Variants in POFUT1 observed in about 807,000 individuals in gnomAD.
The protein encoded by POFUT1 is protein O-fucosyltransferase 1, also known as GDP-fucose protein O-fucosyltransferase 1.
POFUT1 carries 16 observed loss-of-function variants against 42.4 expected under a neutral mutation model. The ratio of observed to expected loss-of-function variants is 0.38; its 90% confidence interval spans 0.26 to 0.57. The LOEUF is 0.57. POFUT1 is among the 20% of genes least tolerant of loss of function. The pLI, the probability that POFUT1 is intolerant of heterozygous loss-of-function variation, is 0.71. For missense variants in POFUT1, 470 were observed against 504.6 expected (o/e 0.93, Z 0.66); for synonymous variants, 206 against 205.4 (o/e 1.00, Z -0.03).
At chr20:32,228,586 TC>T in intron 5 of POFUT1, 131 bp downstream of exon 5, 1 of 732,314 alleles carries the variant, frequency 1.4e-6, no homozygotes, top group Non-Finnish European at 2.2e-6. Flanking sequence ...TGGGATTGTG[TC>T]CCATCATCCC....
intron 1 of POFUT1, 72 bp downstream of exon 1, chr20:32,208,137 C>A: frequency 1.4e-6 from 2 of 1,401,296 alleles, no homozygotes; most frequent in South Asian, 1.3e-5. Flanking sequence ...TCCTCAGATG[C>A]GCCCAGAGAC....
chr20:32,228,574 C>T lies in POFUT1; in HGVS notation c.735+119C>T, dbSNP rs62207423. ...CAGAGATCTCTCACTTGTTCTGGTTCGTGGGATTGTGTCCCATCATCCCAC... is the reference window on the plus strand; with the variant it reads ...CAGAGATCTCTCACTTGTTCTGGTTTGTGGGATTGTGTCCCATCATCCCAC... On this transcript the variant is annotated intron_variant, in intron 5 of 6. Coordinates refer to ENST00000375749, the MANE Select transcript of POFUT1 (RefSeq NM_015352.2). 7.1e-3 allele frequency: 5,993 copies of T among 842,464 alleles called. 70 individuals are homozygous for T. The highest frequency in any genetic ancestry group is 0.038 in the African/African-American group (2,207 of 58,580). The allele number at this position is 842,464 out of a possible 1,614,324, so 52.2% of individuals were successfully genotyped here.
chr20:32,231,038 C>T lies in POFUT1; in HGVS notation c.955C>T (p.Leu319Phe). ...TGATTCCGAGAGTTATGTGCCTGAG[C>T]TCCAACAGCTCTTCAAAGGGAAGGT... ...ATDSESYVPE[L>F]QQLFKGKVKV... The change falls in exon 6 of 7, where the codon CTC becomes TTC. Residue 319 changes from leucine to phenylalanine, a missense_variant. Physicochemically the swap from Leu to Phe is conservative, Grantham distance 22. Coordinates refer to ENST00000375749, the MANE Select transcript of POFUT1 (RefSeq NM_015352.2). 1.2e-6 allele frequency: 2 copies of T among 1,614,174 alleles called. No individual in the cohort carries two copies. Among genetic ancestry groups the T allele is most frequent in the Non-Finnish European group, 8.5e-7 (1 of 1,180,036 alleles).
chr20:32,223,924 G>A (rs888884657), intron 4 of POFUT1, among the ~76,000 whole-genome samples: 1 of 152,142 alleles, frequency 6.6e-6, no homozygotes, highest in Non-Finnish European at 1.5e-5. Context: ...CCTTGGGCAC[G>A]TTACTTAACC....
Position 32,207,929 on chromosome 20 carries a change from T to G in POFUT1, c.-13T>G. The G allele has an allele frequency of 2.5e-6, 4 of 1,576,564 alleles. No homozygotes were observed. Among genetic ancestry groups the G allele is most frequent in the East Asian group, 4.6e-5 (2 of 43,104 alleles). On this transcript the variant is annotated 5_prime_UTR_variant, in exon 1 of 7. Coordinates refer to ENST00000375749, the MANE Select transcript of POFUT1 (RefSeq NM_015352.2). ...GACTGTGCGCCGCGGCTGGCTCGGGTTCCCGGGCCGACATGGGCGCCGCCG... is the reference window on the plus strand; with the variant it reads ...GACTGTGCGCCGCGGCTGGCTCGGGGTCCCGGGCCGACATGGGCGCCGCCG...
In POFUT1 at chr20:32,210,211, C is replaced by A. The variant is rs572332685; in HGVS notation, c.246+19C>A. ...CACCAACGTGAGTACTTCCCACTGA[C>A]CTTGGCCTTTCTCCGCCCTTTCTCA... On this transcript the variant is annotated intron_variant, in intron 2 of 6. Transcript: ENST00000375749. 5 of 1,613,996 alleles carry A rather than the reference C, an allele frequency of 3.1e-6. No homozygotes were observed. The East Asian group carries it at 8.9e-5, about 29-fold the overall frequency.
chr20:32,234,386 C>T, intron 6 of POFUT1, 87 bp from the exon 7 acceptor site: 1 of 1,208,468 alleles, frequency 8.3e-7, no homozygotes, highest in Non-Finnish European at 1.2e-6. Context: ...TCTGTAACTG[C>T]AGCTCAGGGA....
chr20:32,208,054 G>A lies in POFUT1; in HGVS notation c.113G>A (p.Cys38Tyr). Residue 38 changes from cysteine to tyrosine, a missense_variant, in exon 1 of 7, where the codon TGC (cysteine) becomes TAC (tyrosine). Coordinates refer to ENST00000375749, the MANE Select transcript of POFUT1 (RefSeq NM_015352.2). ...GACCCGGCCGGTTACCTGCTCTACT[G>A]CCCCTGCATGGGTAAGGCCTCCCAA... ...SWDPAGYLLY[C>Y]PCMGRFGNQA... The A allele has an allele frequency of 6.4e-7, 1 of 1,559,082 alleles. No individual in the cohort carries two copies. Among genetic ancestry groups the A allele is most frequent in the Non-Finnish European group, 8.6e-7 (1 of 1,156,350 alleles).
At position 32,230,820 on chromosome 20, in the gene POFUT1, A is replaced by G; in HGVS notation, c.737A>G (p.Lys246Arg). 1 of 1,613,268 alleles carries G rather than the reference A, an allele frequency of 6.2e-7. No homozygotes were observed. The highest frequency in any genetic ancestry group is 8.5e-7 in the Non-Finnish European group (1 of 1,180,032). ...GIHLRIGSDWKNACAMLKDGT... is the reference protein window; with the variant it reads ...GIHLRIGSDWRNACAMLKDGT... ...AACCCTGTTCCCCGCTCTCCGTAGA[A>G]GAACGCCTGTGCCATGCTGAAGGAC... Residue 246 changes from lysine (K) to arginine (R), a missense_variant and splice_region_variant, in exon 6 of 7, where the codon AAG becomes AGG. By Grantham distance (26) the Lys-to-Arg change is conservative. Coordinates refer to ENST00000375749, the MANE Select transcript of POFUT1 (RefSeq NM_015352.2).
intron 4 of POFUT1, 90 bp downstream of exon 4, chr20:32,216,811 C>G: frequency 7.3e-7 from 1 of 1,375,826 alleles, no homozygotes; most frequent in Non-Finnish European, 1.0e-6. Flanking sequence ...CCCATCTTCC[C>G]AACTCTGATG....
At chr20:32,231,374 C>T in intron 6 of POFUT1, 1 of 351,432 alleles carries the variant, frequency 2.8e-6, no homozygotes, top group Non-Finnish European at 5.5e-6. Context: ...CTCCCAGGAG[C>T]TGTGGGCTCC....
chr20:32,216,478 C>T (rs553748904), intron 3 of POFUT1, 131 bp from the exon 4 acceptor site: 1 of 642,852 alleles, frequency 1.6e-6, no homozygotes, highest in East Asian at 2.7e-5. Context: ...GACATTTCTC[C>T]TAGGCCATCC....
At chr20:32,225,682 T>G (rs2047411416) in intron 4 of POFUT1, among the ~76,000 whole-genome samples, 1 of 151,818 alleles carries the variant, frequency 6.6e-6, no homozygotes, top group Non-Finnish European at 1.5e-5. Flanking sequence ...ATAGATGGGG[T>G]GTTGCCATGT....
chr20:32,222,934 G>A (rs1034453143), intron 4 of POFUT1: 7 of 985,070 alleles, frequency 7.1e-6, no homozygotes, highest in African/African-American at 1.7e-5. Context: ...GAGGGAGCCA[G>A]CCATGCAGAG....
intron 2 of POFUT1, among the ~76,000 whole-genome samples, chr20:32,211,570 T>C (rs1480129584): frequency 6.6e-6 from 1 of 152,158 alleles, no homozygotes; most frequent in Admixed American, 6.5e-5. Flanking sequence ...GCGCCTGGCC[T>C]CGCACTCACT....
At chr20:32,226,538 T>C (rs1467317105) in intron 4 of POFUT1, among the ~76,000 whole-genome samples, 1 of 152,070 alleles carries the variant, frequency 6.6e-6, no homozygotes, top group Non-Finnish European at 1.5e-5. Context: ...GTTAATACAC[T>C]GAACAGTTCC....
At chr20:32,209,670 G>A (rs891470565) in intron 1 of POFUT1, among the ~76,000 whole-genome samples, 1 of 152,224 alleles carries the variant, frequency 6.6e-6, no homozygotes, top group Non-Finnish European at 1.5e-5. Context: ...GCCAAGGTGG[G>A]AGGTAAAGGA....
intron 4 of POFUT1, among the ~76,000 whole-genome samples, chr20:32,225,719 G>A (rs2047411547): frequency 6.6e-6 from 1 of 151,824 alleles, no homozygotes; most frequent in African/African-American, 2.4e-5. Flanking sequence ...TGAACTCCTG[G>A]GCTCAAGTGA....
At chr20:32,211,502 C>A (rs2047328723) in intron 2 of POFUT1, among the ~76,000 whole-genome samples, 1 of 152,092 alleles carries the variant, frequency 6.6e-6, no homozygotes, top group Admixed American at 6.5e-5. Flanking sequence ...AATCTCTTGA[C>A]CTCATGATGT....
Sources: allele counts gnomAD v4.1 joint callset (sites outside exome capture counted in the v4.1 genomes callset), GRCh38; gene constraint gnomAD v4.1.1; transcripts MANE v1.5; gene names NCBI Gene and HGNC (gene_info 2026-07-23, HGNC 2026-07-21).